The following TRPM5 variants were observed in gnomAD, a reference collection of about 807,000 sequenced individuals.
The protein encoded by TRPM5 is MLSN1 and TRP-related.
In TRPM5, 121 loss-of-function variants were observed where a neutral mutation model predicts 124.9. That is an observed-to-expected ratio of 0.97 (90% CI 0.84 to 1.13). TRPM5 has a LOEUF of 1.13. TRPM5 is among the 50% of genes most tolerant of loss of function. The pLI is 0.00. For synonymous variants in TRPM5, 781 were observed against 700.5 expected (o/e 1.11, Z -1.81); for missense variants, 1,643 against 1,589.1 (o/e 1.03, Z -0.58).
the TRPM5 span, among the ~76,000 whole-genome samples, chr11:2,436,813 C>G: frequency 6.6e-6 from 1 of 152,236 alleles, no homozygotes; most frequent in African/African-American, 2.4e-5. Flanking sequence ...GGGAGCTTCC[C>G]CAGAACAGGG....
rs557694359 is a variant in TRPM5, at chr11:2,422,012, G to C, written c.298+129C>G. On this transcript the variant is annotated intron_variant, in intron 2 of 23. Transcript: ENST00000155858. ...GGTGGGAGCATTGCCTGTGCCGGGT[G>C]GGGGGACAGTCAGGGGGTCTGGCTG... The C allele has an allele frequency of 1.4e-3, 1,220 of 890,932 alleles. 13 individuals are homozygous for C. Among genetic ancestry groups the C allele is most frequent in the Non-Finnish European group, 1.8e-3 (1,063 of 606,834 alleles). 55.2% of individuals were successfully genotyped at this position (890,932 alleles called of 1,614,324 possible).
chr11:2,407,379 C>T (rs1257026536), intron 19 of TRPM5, 79 bp from the exon 25 acceptor site: 2 of 1,401,286 alleles, frequency 1.4e-6, no homozygotes, highest in African/African-American at 2.9e-5. Flanking sequence ...ACCCTGATTG[C>T]TGTTGGGGAG....
At position 2,411,543 on chromosome 11, in the gene TRPM5, C is replaced by T. The variant is rs756964165; in HGVS notation, c.2608-17G>A. ...GTCCTTCATCTCCACGGGGCAGGGGCAGAGAGAGGGACGTCAGCGGCCAGC... is the reference window on the plus strand; with the variant it reads ...GTCCTTCATCTCCACGGGGCAGGGGTAGAGAGAGGGACGTCAGCGGCCAGC... On this transcript the variant is annotated splice_polypyrimidine_tract_variant and intron_variant, in intron 17 of 23. Transcript: ENST00000155858. 1 of 1,607,598 alleles carries T rather than the reference C, an allele frequency of 6.2e-7. No homozygotes were observed. The highest frequency in any genetic ancestry group is 2.2e-5 in the East Asian group (1 of 44,724).
At chr11:2,426,176 C>T (rs922386134), upstream of TRPM5, among the ~76,000 whole-genome samples, 4 of 152,138 alleles carry the variant, frequency 2.6e-5, no homozygotes, top group Non-Finnish European at 5.9e-5. Context: ...TCCTTCCTCC[C>T]GAGGACGGGA....
the TRPM5 span, among the ~76,000 whole-genome samples, chr11:2,438,238 G>A: frequency 6.5e-3 from 988 of 152,166 alleles, 5 homozygotes; most frequent in African/African-American, 0.021. The surrounding 1 kb of genome is among the most constrained non-coding windows in gnomAD (Gnocchi z 5.9). Flanking sequence ...CATATTGAAC[G>A]GGCAAAAGCT....
downstream of TRPM5, among the ~76,000 whole-genome samples, chr11:2,404,160 G>GCAGAC (rs1348179853): frequency 6.6e-6 from 1 of 152,212 alleles, no homozygotes; most frequent in Non-Finnish European, 1.5e-5. Context: ...CAGGCCTAGT[G>GCAGAC]CAGACCACAG....
At chr11:2,406,308 G>C (rs1455393634) in intron 21 of TRPM5, among the ~76,000 whole-genome samples, 2 of 152,210 alleles carry the variant, frequency 1.3e-5, no homozygotes, top group African/African-American at 4.8e-5. Flanking sequence ...GGGCTAGGGT[G>C]CCATCCCTGC....
upstream of TRPM5, among the ~76,000 whole-genome samples, chr11:2,423,693 G>A (rs114694751): frequency 8.8e-3 from 1,343 of 152,310 alleles, 18 homozygotes; most frequent in African/African-American, 0.03. Flanking sequence ...ATCAGCAAGC[G>A]GGGGTAGAAG....
At chr11:2,434,568 C>T in the TRPM5 span, among the ~76,000 whole-genome samples, 26,339 of 145,804 alleles carry the variant, frequency 0.18, 2,952 homozygotes, top group African/African-American at 0.31. Flanking sequence ...TGTAGGTACG[C>T]TGTGTCTGTG....
At chr11:2,424,473 T>A (rs968561243), upstream of TRPM5, among the ~76,000 whole-genome samples, 1 of 152,188 alleles carries the variant, frequency 6.6e-6, no homozygotes, top group Admixed American at 6.5e-5. Flanking sequence ...CCTTTGCAGA[T>A]GTATTAAGAT....
chr11:2,421,084 C>A (rs868645318), exon 3 of TRPM5: 2 of 1,549,360 alleles, frequency 1.3e-6, no homozygotes, highest in Non-Finnish European at 1.7e-6. Context: ...CGAGGCCATG[C>A]CGACAGCAAC....
rs148343932 is a variant in TRPM5, at chr11:2,409,983, A to G, written c.2782+1369T>C. Among the ~76,000 whole-genome samples, 941 of 152,280 alleles carry G rather than the reference A, an allele frequency of 6.2e-3. 8 individuals are homozygous for G. The highest frequency in any genetic ancestry group is 0.021 in the African/African-American group (893 of 41,576). On this transcript the variant is annotated intron_variant, in intron 18 of 23. Coordinates refer to ENST00000155858, the Ensembl canonical transcript of TRPM5. ...TGGCCCACCAGAGATGCAGCCACTCAAGAAAGAGGGGACCCCCAACCCTGC... is the reference window on the plus strand; with the variant it reads ...TGGCCCACCAGAGATGCAGCCACTCGAGAAAGAGGGGACCCCCAACCCTGC...
intron 7 of TRPM5, 36 bp downstream of exon 12, chr11:2,417,691 A>C (rs1441250117): frequency 2.0e-6 from 3 of 1,517,964 alleles, no homozygotes; most frequent in Non-Finnish European, 1.8e-6. Flanking sequence ...GAAGCCCCCC[A>C]ATGGCGCCTG....
rs372118029 is a variant in TRPM5 at position 2,412,749 on chromosome 11, C to T, written c.2355+5G>A. On this transcript the variant is annotated splice_donor_5th_base_variant and intron_variant, in intron 15 of 23. Transcript: ENST00000155858. ...GAGGGGACCTAGGCTAGTGTGGCCA[C>T]CGACCTGCCGGATTTCCTCCAGCAC... 1.5e-4 allele frequency: 239 copies of T among 1,585,918 alleles called. 1 individual carries two copies. The highest frequency in any genetic ancestry group is 1.6e-4 in the Non-Finnish European group (189 of 1,165,912).
chr11:2,413,724 GC>G (rs1192923355), intron 12 of TRPM5, 136 bp from the exon 18 acceptor site: 2 of 847,348 alleles, frequency 2.4e-6, no homozygotes, highest in Non-Finnish European at 3.8e-6. Context: ...CCCTCCCGGA[GC>G]CCCCGTCCTG....
At chr11:2,429,079 GTGA>G in the TRPM5 span, among the ~76,000 whole-genome samples, 3 of 150,968 alleles carry the variant, frequency 2.0e-5, no homozygotes, top group Middle Eastern at 3.2e-3. The surrounding 1 kb of genome is among the most constrained non-coding windows in gnomAD (Gnocchi z 8.4). Context: ...TGTGGTGGTG[GTGA>G]TGATAGTGGA....
exon 10 of TRPM5, chr11:2,415,038 G>T: frequency 6.2e-7 from 1 of 1,601,604 alleles, no homozygotes; most frequent in African/African-American, 1.3e-5. Context: ...CGCTTGGCCG[G>T]GCCCTTCTCC....
At chr11:2,414,009 G>GGGGCC in intron 12 of TRPM5, 52 bp downstream of exon 17, 1 of 1,023,728 alleles carries the variant, frequency 9.8e-7, no homozygotes, top group Non-Finnish European at 1.4e-6. Context: ...GGCCCAGCTC[G>GGGGCC]CCCGCCCACC....
At chr11:2,440,151 A>C in the TRPM5 span, among the ~76,000 whole-genome samples, 1 of 138,220 alleles carries the variant, frequency 7.2e-6, no homozygotes, top group Non-Finnish European at 1.5e-5. This position sits in a 1 kb window ranked among gnomAD's most constrained non-coding sequence, Gnocchi z 5.2. Flanking sequence ...GCTCATAGAC[A>C]TAGAGGGACA....
Sources: allele counts gnomAD v4.1 joint callset (sites outside exome capture counted in the v4.1 genomes callset), GRCh38; gene constraint gnomAD v4.1.1; non-coding constraint Gnocchi (gnomAD v3.1); transcripts MANE v1.5; gene names NCBI Gene and HGNC (gene_info 2026-07-23, HGNC 2026-07-21).